DCTN2: variants seen among roughly 807,000 people sequenced by gnomAD.
The protein encoded by DCTN2 is dynactin subunit 2.
A neutral mutation model predicts 55.4 loss-of-function variants in DCTN2; 18 were observed. That is an observed-to-expected ratio of 0.32 (90% CI 0.22 to 0.48). The LOEUF is 0.48. Ranked by LOEUF, DCTN2 falls within the 20% of genes least tolerant of loss-of-function variation. DCTN2 has a pLI of 0.99. For missense variants in DCTN2, 390 were observed against 491.0 expected (o/e 0.79, Z 1.94); for synonymous variants, 168 against 185.2 (o/e 0.91, Z 0.76).
chr12:57,535,100 G>A lies in DCTN2; in HGVS notation c.319C>T (p.Leu107=), dbSNP rs1880118803. Residue 107 remains leucine (L), a synonymous_variant, in exon 5 of 14, where the codon CTG becomes TTG. Coordinates refer to ENST00000548249, the MANE Select transcript of DCTN2 (RefSeq NM_001261413.2). ...GTTGTCAGCTCTTGGACCTCATGCA[G>A]TAGGCGCTGGTACTTTTGCTGGGGT... The part of the protein sequence containing the change: ...ETPQQKYQRL[L]HEVQELTTEV... 6.2e-7 allele frequency: 1 copy of A among 1,613,848 alleles called. No homozygotes were observed. The highest frequency in any genetic ancestry group is 8.5e-7 in the Non-Finnish European group (1 of 1,179,880).
In DCTN2 at chr12:57,532,602, G is replaced by A; in HGVS notation, c.894C>T (p.Ala298=). Residue 298 remains alanine, a synonymous_variant, in exon 11 of 14, where the codon GCC becomes GCT. Coordinates refer to ENST00000548249, the MANE Select transcript of DCTN2 (RefSeq NM_001261413.2). The part of the protein sequence containing the change: ...GKVNEIAKHK[A]SVEDADTQSK... ...TTTGTGTATCTGCATCTTCTACAGAGGCTTTATGCTTGGCAATCTCGTTCA... is the reference window on the plus strand; with the variant it reads ...TTTGTGTATCTGCATCTTCTACAGAAGCTTTATGCTTGGCAATCTCGTTCA... The A allele has an allele frequency of 6.2e-7, 1 of 1,613,938 alleles. No individual in the cohort carries two copies. The highest frequency in any genetic ancestry group is 1.3e-5 in the African/African-American group (1 of 75,002).
At chr12:57,535,312 G>T in intron 4 of DCTN2, 158 bp from the exon 5 acceptor site, 1 of 999,770 alleles carries the variant, frequency 1.0e-6, no homozygotes, top group Non-Finnish European at 1.5e-6. Flanking sequence ...AGGGCTGGAG[G>T]CTCTCCAGAA....
At chr12:57,534,557 T>C (rs1396077281) in intron 5 of DCTN2, 105 bp from the exon 6 acceptor site, 1 of 1,271,348 alleles carries the variant, frequency 7.9e-7, no homozygotes, top group Admixed American at 2.3e-5. Context: ...GTCACTGGGA[T>C]GGTTTTCAGC....
chr12:57,543,741 C>A (rs569016609), intron 2 of DCTN2: 40 of 1,263,184 alleles, frequency 3.2e-5, no homozygotes, highest in Admixed American at 2.6e-4. Flanking sequence ...CTTAGCTGAG[C>A]CTTAGGTGAC....
At chr12:57,533,897 A>C in intron 7 of DCTN2, 56 bp downstream of exon 7, 1 of 1,511,370 alleles carries the variant, frequency 6.6e-7, no homozygotes, top group Non-Finnish European at 8.9e-7. Context: ...AGGCAGGAAA[A>C]TCTCTAGGGT....
chr12:57,538,117 G>T, intron 2 of DCTN2: 1 of 328,416 alleles, frequency 3.0e-6, no homozygotes, highest in South Asian at 2.6e-5. Flanking sequence ...TCTTATTTAC[G>T]TTCCTAAGTA....
chr12:57,530,471 C>A lies in DCTN2; in HGVS notation c.*218G>T. On this transcript the variant is annotated 3_prime_UTR_variant, in exon 14 of 14. Transcript: ENST00000548249. Reference sequence around the variant, plus strand: ...TGGGCCCACGTCCTTATCCCCCAGGCCTGAGGGGAGACCACCTTCTGATGA... The same window carrying A: ...TGGGCCCACGTCCTTATCCCCCAGGACTGAGGGGAGACCACCTTCTGATGA... The A allele has an allele frequency of 2.0e-6, 1 of 498,462 alleles. No individual in the cohort carries two copies. The highest frequency in any genetic ancestry group is 3.1e-5 in the South Asian group (1 of 32,034). The allele number at this position is 498,462 out of a possible 1,614,324, so 30.9% of individuals were successfully genotyped here. A position where few individuals can be genotyped will look rare whatever the true frequency, so the allele number is the denominator to read the frequency against.
At chr12:57,532,413 G>A in intron 11 of DCTN2, 98 bp from the exon 12 acceptor site, 3 of 1,356,686 alleles carry the variant, frequency 2.2e-6, no homozygotes, top group Non-Finnish European at 3.1e-6. Flanking sequence ...GGATCAAGTG[G>A]GCAGAGGGAA....
intron 2 of DCTN2, among the ~76,000 whole-genome samples, chr12:57,545,653 G>A (rs1881089229): frequency 6.6e-6 from 1 of 152,160 alleles, no homozygotes; most frequent in Admixed American, 6.5e-5. Flanking sequence ...ATATTTCAAA[G>A]TCTAGTTCTT....
intron 2 of DCTN2, chr12:57,543,800 T>C (rs1223140036): frequency 3.1e-6 from 4 of 1,289,384 alleles, no homozygotes; most frequent in Non-Finnish European, 2.0e-6. Context: ...CATATGCACT[T>C]CTATACTGGC....
intron 2 of DCTN2, 66 bp downstream of exon 2, chr12:57,545,962 G>A: frequency 1.3e-6 from 2 of 1,545,052 alleles, no homozygotes; most frequent in Non-Finnish European, 1.8e-6. Context: ...CCCCGAGAAA[G>A]GGAAGGACCT....
At chr12:57,540,220 G>T in intron 2 of DCTN2, 2 of 781,516 alleles carry the variant, frequency 2.6e-6, no homozygotes, top group Non-Finnish European at 3.1e-6. Context: ...GTCCCACCAA[G>T]CTAAAACCAG....
rs376195864 is a variant in DCTN2, at chr12:57,534,332, C to T, written c.484G>A (p.Ala162Thr). ...TCGGGGTCGGTAAGGTTGATTGCAG[C>T]ATCTGGTCCCAGCAGCTTCTCCAGG... ...SHLEKLLGPD[A>T]AINLTDPDGA... The change falls in exon 6 of 14, where the codon GCT becomes ACT. Residue 162 changes from alanine to threonine, a missense_variant. Physicochemically the swap from Ala to Thr is moderately conservative, Grantham distance 58. Coordinates refer to ENST00000548249, the MANE Select transcript of DCTN2 (RefSeq NM_001261413.2). The T allele has an allele frequency of 6.2e-7, 1 of 1,609,352 alleles. No individual in the cohort carries two copies. Among genetic ancestry groups the T allele is most frequent in the African/African-American group, 1.3e-5 (1 of 74,774 alleles).
chr12:57,531,871 A>G, intron 13 of DCTN2, 144 bp downstream of exon 13: 1 of 1,177,324 alleles, frequency 8.5e-7, no homozygotes, highest in South Asian at 1.6e-5. Flanking sequence ...GGGCCTTCAC[A>G]TTGAAAGCAG....
At chr12:57,534,201 T>C in intron 6 of DCTN2, 91 bp downstream of exon 6, 1 of 1,522,792 alleles carries the variant, frequency 6.6e-7, no homozygotes, top group African/African-American at 1.4e-5. Context: ...TCTAAGCCAC[T>C]TCTCTGCCAC....
Position 57,532,279 on chromosome 12 carries a change from G to A in DCTN2, c.961C>T (p.Pro321Ser), listed in dbSNP as rs1185601856. The change falls in exon 12 of 14, where the codon CCC becomes TCC. Residue 321 changes from proline (P) to serine (S), a missense_variant. Physicochemically the swap from Pro to Ser is moderately conservative, Grantham distance 74 (BLOSUM62 -1). Coordinates refer to ENST00000548249, the MANE Select transcript of DCTN2 (RefSeq NM_001261413.2). The stretch of plus-strand genomic sequence containing the variant: ...AGCTCAGGGAGGGTGGAGGCAATGG[G>A]GCTCCAGCGCTGTATAGTTTCATAT... The part of the protein sequence containing the change: ...QLYETIQRWS[P>S]IASTLPELVQ... 2 of 1,563,386 alleles carry A rather than the reference G, an allele frequency of 1.3e-6. No individual in the cohort carries two copies. The highest frequency in any genetic ancestry group is 8.7e-7 in the Non-Finnish European group (1 of 1,153,344).
At chr12:57,546,843 G>A (rs558083209) in intron 1 of DCTN2, among the ~76,000 whole-genome samples, 185 bp downstream of exon 1, 1 of 152,348 alleles carries the variant, frequency 6.6e-6, no homozygotes, top group East Asian at 1.9e-4. Context: ...TGCGCCGTCC[G>A]GCGGCCCGGC....
intron 13 of DCTN2, 86 bp from the exon 14 acceptor site, chr12:57,530,861 G>T: frequency 8.6e-7 from 1 of 1,166,646 alleles, no homozygotes; most frequent in South Asian, 1.3e-5. Flanking sequence ...TGAGAGAGAA[G>T]ACAAGAAATG....
At chr12:57,534,507 A>T (rs1480130977) in intron 5 of DCTN2, 55 bp from the exon 6 acceptor site, 18 of 1,542,324 alleles carry the variant, frequency 1.2e-5, no homozygotes, top group Non-Finnish European at 1.6e-5. Context: ...CAAGAAGCAA[A>T]AAAATAGGTC....
Sources: gnomAD v4.1 joint callset for allele counts (sites outside exome capture counted in the v4.1 genomes callset) on GRCh38, gnomAD v4.1.1 for gene constraint, MANE v1.5 for transcripts, NCBI Gene and HGNC (gene_info 2026-07-23, HGNC 2026-07-21) for gene names.